Variants in COLEC12 observed in about 807,000 individuals in gnomAD.
The protein encoded by COLEC12 is collectin-12.
COLEC12 carries 33 observed loss-of-function variants against 71.1 expected under a neutral mutation model. That is an observed-to-expected ratio of 0.46 (90% CI 0.35 to 0.62). COLEC12 has a LOEUF of 0.62. Ranked by LOEUF, COLEC12 falls within the 20% of genes least tolerant of loss-of-function variation. The probability of loss-of-function intolerance (pLI) is 0.00; values close to 1 mark genes in which losing one functional copy is unlikely to be tolerated. For missense variants in COLEC12, 765 were observed against 916.1 expected, an observed-to-expected ratio of 0.84 and a Z score of 2.13; for synonymous variants, 350 against 353.0, an observed-to-expected ratio of 0.99 and a Z score of 0.10.
rs1201222814 is a variant in COLEC12 at position 436,530 on chromosome 18, G to A, written c.58+44177C>T. Among the ~76,000 whole-genome samples the A allele has an allele frequency of 5.4e-4, 69 of 126,966 alleles. 3 individuals carry two copies. In the South Asian group the frequency reaches 8.5e-3, roughly 16 times the overall value. The allele number at this position is 126,966 out of a possible 152,430, so 83.3% of individuals were successfully genotyped here. ...GACTCCATCTCAAAAAAAAAAGGGG[G>A]GGGGGGGGGAAACAGGGGTGGCTTT... On this transcript the variant is annotated intron_variant, in intron 2 of 9. Transcript: ENST00000400256.
At chr18:358,923 T>C (rs1723694686) in intron 2 of COLEC12, among the ~76,000 whole-genome samples, 1 of 152,252 alleles carries the variant, frequency 6.6e-6, no homozygotes, top group Admixed American at 6.5e-5. Context: ...CCATCATCTA[T>C]GCAGTCCATT....
chr18:379,058 G>A (rs891296435), intron 2 of COLEC12, among the ~76,000 whole-genome samples: 1 of 152,132 alleles, frequency 6.6e-6, no homozygotes, highest in African/African-American at 2.4e-5. Context: ...CACTCTGGTC[G>A]ACTAAGGCTG....
chr18:399,231 G>A lies in COLEC12; in HGVS notation c.59-41709C>T, dbSNP rs539756105. Among the ~76,000 whole-genome samples the A allele has an allele frequency of 6.6e-6, 1 of 152,224 alleles. No individual in the cohort carries two copies. The highest frequency in any genetic ancestry group is 2.4e-5 in the African/African-American group (1 of 41,454). ...AAGTTGAGATTTTTCTGCTACGTGG[G>A]TCTCAGGCTAAGCGTAAGATGCTAT... On this transcript the variant is annotated intron_variant, in intron 2 of 9. Transcript: ENST00000400256. This position sits in a 1 kb window ranked among gnomAD's most constrained non-coding sequence, Gnocchi z 4.0.
chr18:483,946 C>T (rs757681751), intron 1 of COLEC12, among the ~76,000 whole-genome samples: 10 of 152,226 alleles, frequency 6.6e-5, no homozygotes, highest in Admixed American at 2.0e-4. Flanking sequence ...CTTTCCACCA[C>T]TGTGCCACCT....
At chr18:414,294 A>G (rs1915946800) in intron 2 of COLEC12, among the ~76,000 whole-genome samples, 2 of 152,306 alleles carry the variant, frequency 1.3e-5, no homozygotes, top group Admixed American at 6.5e-5. Flanking sequence ...ATAAATGAAC[A>G]AAAACCAAAC....
At chr18:449,202 T>C (rs1030136076) in intron 2 of COLEC12, among the ~76,000 whole-genome samples, 4 of 152,162 alleles carry the variant, frequency 2.6e-5, no homozygotes, top group Admixed American at 2.0e-4. Context: ...TATAGAAGAC[T>C]TTTACTCTCT....
chr18:428,227 C>T (rs1916234698), intron 2 of COLEC12, among the ~76,000 whole-genome samples: 1 of 150,588 alleles, frequency 6.6e-6, no homozygotes, highest in African/African-American at 2.4e-5. Flanking sequence ...CCTGTCACTG[C>T]ACTTCAGCCT....
intron 2 of COLEC12, among the ~76,000 whole-genome samples, chr18:451,263 G>C (rs1009004768): frequency 3.3e-5 from 5 of 152,104 alleles, no homozygotes; most frequent in African/African-American, 1.2e-4. Flanking sequence ...ATGAACTTCA[G>C]ATTCACATCT....
chr18:429,162 T>C (rs1916252527), intron 2 of COLEC12, among the ~76,000 whole-genome samples: 1 of 152,206 alleles, frequency 6.6e-6, no homozygotes, highest in African/African-American at 2.4e-5. Context: ...TTGCTCACAT[T>C]GAGATGTAAG....
chr18:478,842 T>G (rs908254264), intron 2 of COLEC12, among the ~76,000 whole-genome samples: 1 of 152,034 alleles, frequency 6.6e-6, no homozygotes, highest in Non-Finnish European at 1.5e-5. Flanking sequence ...AGCCTCTGTT[T>G]GTGCTCTCTA....
intron 2 of COLEC12, among the ~76,000 whole-genome samples, chr18:458,362 C>A (rs142248847): frequency 6.6e-6 from 1 of 152,348 alleles, no homozygotes; most frequent in Admixed American, 6.5e-5. Context: ...AGACACAGAT[C>A]TCTGGTAATT....
chr18:331,792 A>G lies in COLEC12; in HGVS notation c.1954-15T>C, dbSNP rs779644170. The stretch of plus-strand genomic sequence containing the variant: ...TTTATCCATTGCTGAAAAACAAAGC[A>G]GGGGTGGTGCGTGACTATTTTTCAG... On this transcript the variant is annotated splice_polypyrimidine_tract_variant and intron_variant, in intron 7 of 9. Transcript: ENST00000400256. 1 of 1,513,456 alleles carries G rather than the reference A, an allele frequency of 6.6e-7. No individual in the cohort carries two copies. The highest frequency in any genetic ancestry group is 9.2e-7 in the Non-Finnish European group (1 of 1,088,016). The allele number at this position is 1,513,456 out of a possible 1,614,324, so 93.8% of individuals were successfully genotyped here.
chr18:341,262 C>T (rs2143456907), intron 5 of COLEC12, among the ~76,000 whole-genome samples: 1 of 152,342 alleles, frequency 6.6e-6, no homozygotes, highest in Non-Finnish European at 1.5e-5. Flanking sequence ...GCACTGTCTG[C>T]CATTTACTAG....
chr18:357,395 C>A lies in COLEC12; in HGVS notation c.181+5G>T. ...TTTGGAAGAAAAAAAAGAAAGCATG[C>A]TTACCTTTATATCCCAAAATGGCTA... On this transcript the variant is annotated splice_donor_5th_base_variant and intron_variant, in intron 3 of 9. Transcript: ENST00000400256. 1.3e-6 allele frequency: 2 copies of A among 1,587,832 alleles called. No homozygotes were observed. The highest frequency in any genetic ancestry group is 1.7e-6 in the Non-Finnish European group (2 of 1,172,686).
chr18:439,279 C>G (rs1916466109), intron 2 of COLEC12, among the ~76,000 whole-genome samples: 1 of 152,202 alleles, frequency 6.6e-6, no homozygotes, highest in Non-Finnish European at 1.5e-5. Context: ...TTCAGAGTCA[C>G]TGTCCACATG....
At chr18:462,065 T>C (rs1328665933) in intron 2 of COLEC12, among the ~76,000 whole-genome samples, 1 of 152,196 alleles carries the variant, frequency 6.6e-6, no homozygotes, top group Non-Finnish European at 1.5e-5. Flanking sequence ...CTTTTTCCCT[T>C]TTTTGGTGAA....
chr18:394,680 C>A (rs1362635057), intron 2 of COLEC12, among the ~76,000 whole-genome samples: 1 of 152,164 alleles, frequency 6.6e-6, no homozygotes, highest in African/African-American at 2.4e-5. Context: ...ACCACTGAGT[C>A]CAATATCTTC....
chr18:340,275 G>A (rs952618009), intron 5 of COLEC12, among the ~76,000 whole-genome samples: 10 of 152,068 alleles, frequency 6.6e-5, no homozygotes, highest in South Asian at 2.1e-4. Context: ...TCACTGGCTC[G>A]GGTTTCTGAA....
intron 1 of COLEC12, among the ~76,000 whole-genome samples, chr18:487,040 C>T (rs573432086): frequency 6.6e-6 from 1 of 152,154 alleles, no homozygotes; most frequent in African/African-American, 2.4e-5. Flanking sequence ...CAGCATTATT[C>T]ATAACAGCAA....
Sources: allele counts gnomAD v4.1 joint callset (sites outside exome capture counted in the v4.1 genomes callset), GRCh38; gene constraint gnomAD v4.1.1; non-coding constraint Gnocchi (gnomAD v3.1); transcripts MANE v1.5; gene names NCBI Gene and HGNC (gene_info 2026-07-23, HGNC 2026-07-21).